ACOT9: variants seen among roughly 807,000 people sequenced by gnomAD.
The protein encoded by ACOT9 is acyl-coenzyme A thioesterase 9, mitochondrial.
A neutral mutation model predicts 39.7 loss-of-function variants in ACOT9; 34 were observed. The observed-to-expected ratio is 0.86, with a 90% CI of 0.65 to 1.14. The LOEUF (loss-of-function observed/expected upper bound fraction) is 1.14, where lower values mean the gene tolerates loss of function less well. Ranked by LOEUF, ACOT9 falls within the 50% of genes most tolerant of loss-of-function variation. The pLI is 0.00. For synonymous variants in ACOT9, 110 were observed against 120.5 expected (o/e 0.91, Z 0.57); for missense variants, 313 against 344.1 (o/e 0.91, Z 0.71).
At chrX:23,705,127 T>C (rs1481121704) in intron 13 of ACOT9, 47 bp from the exon 14 acceptor site, 1 of 1,054,049 alleles carries the variant, frequency 9.5e-7, no homozygotes, top group Non-Finnish European at 1.3e-6. Context: ...AAAATTCAGA[T>C]GATCTCAATT....
chrX:23,737,172 G>T (rs1394858737), intron 1 of ACOT9, among the ~76,000 whole-genome samples: 2 of 110,838 alleles, frequency 1.8e-5, no homozygotes, highest in Non-Finnish European at 3.8e-5. Context: ...AATTAGCCGG[G>T]TGTGGTGGCA....
At chrX:23,706,258 T>C (rs1928678758) in intron 11 of ACOT9, among the ~76,000 whole-genome samples, 1 of 93,776 alleles carries the variant, frequency 1.1e-5, no homozygotes, top group African/African-American at 4.2e-5. Context: ...AGGGTAAGAC[T>C]CCATCTCAAA....
At chrX:23,720,068 G>T (rs757241204) in intron 8 of ACOT9, among the ~76,000 whole-genome samples, 5 of 112,226 alleles carry the variant, frequency 4.5e-5, no homozygotes, top group East Asian at 2.8e-4. Context: ...CTCCTGACCT[G>T]GTGATCTGCC....
chrX:23,734,449 G>A (rs1929866082), intron 2 of ACOT9, 82 bp from the exon 3 acceptor site: 2 of 832,621 alleles, frequency 2.4e-6, no homozygotes, highest in East Asian at 3.3e-5. Flanking sequence ...TTCAAATACT[G>A]TGTTGAGTTT....
chrX:23,722,020 C>A (rs1481049449), intron 7 of ACOT9, 36 bp from the exon 8 acceptor site: 1 of 1,028,298 alleles, frequency 9.7e-7, no homozygotes, highest in Non-Finnish European at 1.3e-6. Flanking sequence ...CCAAGTCATA[C>A]CAAAAATTTT....
chrX:23,709,133 T>C (rs1928807573), intron 9 of ACOT9, among the ~76,000 whole-genome samples: 3 of 111,650 alleles, frequency 2.7e-5, no homozygotes. Context: ...TGGTTCACGC[T>C]CGTAATCCCA....
chrX:23,713,819 A>G (rs893034296), intron 8 of ACOT9, among the ~76,000 whole-genome samples: 4 of 110,690 alleles, frequency 3.6e-5, no homozygotes, highest in African/African-American at 1.3e-4. Context: ...ATTGCCTGAG[A>G]CCAGGAAAGC....
chrX:23,731,926 A>G (rs1929769211), intron 4 of ACOT9, among the ~76,000 whole-genome samples: 1 of 112,387 alleles, frequency 8.9e-6, no homozygotes, highest in African/African-American at 3.2e-5. Flanking sequence ...TGATAAGAAC[A>G]TTAGCTAAGA....
chrX:23,720,061 C>T (rs993665248), intron 8 of ACOT9, among the ~76,000 whole-genome samples: 13 of 112,477 alleles, frequency 1.2e-4, no homozygotes, highest in Admixed American at 3.8e-4. Context: ...TCTCGATCTC[C>T]TGACCTGGTG....
intron 8 of ACOT9, among the ~76,000 whole-genome samples, chrX:23,714,205 G>A (rs1929001697): frequency 9.0e-6 from 1 of 111,030 alleles, no homozygotes; most frequent in African/African-American, 3.3e-5. Context: ...GGGCGTGCCT[G>A]TCCTCCTGAT....
At chrX:23,739,445 G>C (rs1930059031) in intron 1 of ACOT9, among the ~76,000 whole-genome samples, 2 of 111,190 alleles carry the variant, frequency 1.8e-5, no homozygotes, top group African/African-American at 6.5e-5. Context: ...ATACTGACAA[G>C]TCCTCAAAAA....
intron 9 of ACOT9, among the ~76,000 whole-genome samples, chrX:23,709,895 G>A (rs898436952): frequency 1.8e-5 from 2 of 112,028 alleles, no homozygotes; most frequent in Non-Finnish European, 3.8e-5. Context: ...AACTCATGAG[G>A]CTCTTTTTTT....
chrX:23,738,751 G>A (rs771135771), intron 1 of ACOT9, among the ~76,000 whole-genome samples: 3 of 112,082 alleles, frequency 2.7e-5, no homozygotes, highest in Non-Finnish European at 3.8e-5. Context: ...TAATAGACAC[G>A]TTAAATGTAT....
intron 6 of ACOT9, 78 bp from the exon 7 acceptor site, chrX:23,722,831 C>G (rs926162890): frequency 3.5e-5 from 22 of 623,435 alleles, no homozygotes; most frequent in African/African-American, 2.7e-4. Context: ...TCCCTGAGAT[C>G]CATGAAAAGC....
At chrX:23,734,754 G>A (rs767009357) in intron 2 of ACOT9, among the ~76,000 whole-genome samples, 16 of 110,102 alleles carry the variant, frequency 1.5e-4, no homozygotes, top group African/African-American at 4.6e-4. Context: ...GGATGGGGCC[G>A]AGGTGGGTGA....
intron 10 of ACOT9, 90 bp downstream of exon 10, chrX:23,707,787 G>C (rs1039765340): frequency 3.1e-6 from 2 of 635,866 alleles, no homozygotes; most frequent in East Asian, 7.5e-5. Context: ...TGACTGGTAT[G>C]AAGAGCCCAT....
intron 4 of ACOT9, 78 bp downstream of exon 4, chrX:23,733,094 G>A (rs1171326293): frequency 1.0e-6 from 1 of 964,740 alleles, no homozygotes; most frequent in Admixed American, 2.6e-5. Context: ...CCCACTGTGA[G>A]ACCATCAACT....
chrX:23,705,053 T>C lies in ACOT9; in HGVS notation c.1047A>G (p.Val349=). The C allele has an allele frequency of 6.6e-6, 8 of 1,211,563 alleles. No individual in the cohort carries two copies. Among genetic ancestry groups the C allele is most frequent in the Non-Finnish European group, 7.8e-6 (7 of 895,411 alleles). The change falls in exon 14 of 16, where the codon GTA becomes GTG. Residue 349 remains valine, a synonymous_variant. Coordinates refer to ENST00000379303, the MANE Select transcript of ACOT9 (RefSeq NM_001037171.2). Reference sequence around the variant, plus strand: ...CAGGTTTCTGAAACATGATGTCATCTACTGCTACCACAAACGGTCGAGAAC... The same window carrying C: ...CAGGTTTCTGAAACATGATGTCATCCACTGCTACCACAAACGGTCGAGAAC... ...FGGSRPFVVA[V]DDIMFQKPVE...
chrX:23,733,306 T>A, intron 3 of ACOT9, 89 bp from the exon 4 acceptor site: 2 of 772,035 alleles, frequency 2.6e-6, no homozygotes, highest in Non-Finnish European at 3.9e-6. Flanking sequence ...CAAAAAGCAA[T>A]TCATGCACTC....
Sources: allele counts gnomAD v4.1 joint callset (sites outside exome capture counted in the v4.1 genomes callset), GRCh38; gene constraint gnomAD v4.1.1; transcripts MANE v1.5; gene names NCBI Gene and HGNC (gene_info 2026-07-23, HGNC 2026-07-21).